CSMD3: variants seen among roughly 807,000 people sequenced by gnomAD.
CSMD3 encodes the protein CUB and sushi domain-containing protein 3.
Under a neutral mutation model 435.2 loss-of-function variants are expected in CSMD3, and 177 were observed. The observed-to-expected ratio is 0.41, with a 90% CI of 0.36 to 0.46. CSMD3 has a LOEUF of 0.46. Ranked by LOEUF, CSMD3 falls within the 20% of genes least tolerant of loss-of-function variation. The pLI, the probability that CSMD3 is intolerant of heterozygous loss-of-function variation, is 0.34. For missense variants in CSMD3, 4,265 were observed against 4,504.6 expected, an observed-to-expected ratio of 0.95 and a Z score of 1.52; for synonymous variants, 1,656 against 1,520.5, an observed-to-expected ratio of 1.09 and a Z score of -2.07.
chr8:112,496,714 T>C (rs1821383491), intron 30 of CSMD3, among the ~76,000 whole-genome samples: 1 of 152,182 alleles, frequency 6.6e-6, no homozygotes, highest in Non-Finnish European at 1.5e-5. Context: ...TTTTGCATTT[T>C]CTTACTTATT....
chr8:112,266,873 C>A (rs927250270), intron 59 of CSMD3, among the ~76,000 whole-genome samples: 1 of 152,080 alleles, frequency 6.6e-6, no homozygotes, highest in East Asian at 1.9e-4. Context: ...GCTAAGAAAA[C>A]GAAAACTACA....
intron 27 of CSMD3, among the ~76,000 whole-genome samples, chr8:112,536,229 A>G (rs1826063867): frequency 6.6e-6 from 1 of 150,752 alleles, no homozygotes; most frequent in African/African-American, 2.4e-5. Flanking sequence ...ATCAGAGTGA[A>G]CAGGCAACCT....
At chr8:113,282,764 C>A (rs2093621805) in intron 2 of CSMD3, among the ~76,000 whole-genome samples, 1 of 151,936 alleles carries the variant, frequency 6.6e-6, no homozygotes, top group Non-Finnish European at 1.5e-5. Flanking sequence ...CAAAAAAGAG[C>A]CTGCATAACC....
chr8:113,358,768 A>G (rs2094251187), intron 1 of CSMD3, among the ~76,000 whole-genome samples: 1 of 152,132 alleles, frequency 6.6e-6, no homozygotes, highest in Non-Finnish European at 1.5e-5. Context: ...GCTTCTAAAG[A>G]AGCATCTCTG....
intron 66 of CSMD3, among the ~76,000 whole-genome samples, chr8:112,241,047 A>G (rs1814082090): frequency 6.6e-6 from 1 of 152,052 alleles, no homozygotes; most frequent in Non-Finnish European, 1.5e-5. Context: ...GTGAAAACGA[A>G]CTAATACAAA....
intron 2 of CSMD3, among the ~76,000 whole-genome samples, chr8:113,278,993 A>C (rs1288070762): frequency 1.3e-5 from 2 of 151,558 alleles, no homozygotes; most frequent in Non-Finnish European, 3.0e-5. Context: ...TGGGTTTTGG[A>C]ATATACATTT....
chr8:113,095,750 G>C (rs2090145216), intron 5 of CSMD3, among the ~76,000 whole-genome samples: 1 of 152,092 alleles, frequency 6.6e-6, no homozygotes. Flanking sequence ...ATTATATTAG[G>C]TATTGTACAT....
At chr8:113,263,983 G>C (rs865805924) in intron 3 of CSMD3, among the ~76,000 whole-genome samples, 1 of 151,452 alleles carries the variant, frequency 6.6e-6, no homozygotes, top group Admixed American at 6.6e-5. Flanking sequence ...TGCTATTGCA[G>C]TATTTGATTT....
chr8:113,033,078 C>T (rs2074619191), intron 5 of CSMD3, among the ~76,000 whole-genome samples: 1 of 151,488 alleles, frequency 6.6e-6, no homozygotes, highest in South Asian at 2.1e-4. Context: ...TGTATAGAAA[C>T]ACCTGGATGT....
At chr8:112,795,777 A>G (rs1294239201) in intron 13 of CSMD3, among the ~76,000 whole-genome samples, 2 of 152,164 alleles carry the variant, frequency 1.3e-5, no homozygotes, top group Non-Finnish European at 2.9e-5. Context: ...TAATATGCCA[A>G]TACATGTCTT....
intron 45 of CSMD3, among the ~76,000 whole-genome samples, chr8:112,327,320 A>G (rs571827201): frequency 5.9e-5 from 9 of 152,322 alleles, no homozygotes; most frequent in African/African-American, 1.9e-4. Flanking sequence ...TGTACAGGTT[A>G]GGATCATAGA....
chr8:112,576,681 C>A (rs574972490), intron 23 of CSMD3, among the ~76,000 whole-genome samples: 26 of 151,268 alleles, frequency 1.7e-4, no homozygotes, highest in Admixed American at 1.6e-3. Flanking sequence ...CAGGCACACC[C>A]CACCAAGCCT....
At chr8:113,137,112 G>A (rs909258643) in intron 4 of CSMD3, among the ~76,000 whole-genome samples, 1 of 151,640 alleles carries the variant, frequency 6.6e-6, no homozygotes, top group Non-Finnish European at 1.5e-5. Flanking sequence ...AGATAAAGTT[G>A]CCAAGAATAA....
At chr8:112,920,412 T>C (rs757366192) in intron 10 of CSMD3, among the ~76,000 whole-genome samples, 5 of 151,840 alleles carry the variant, frequency 3.3e-5, no homozygotes, top group African/African-American at 4.8e-5. Flanking sequence ...TATAACATCA[T>C]TTAATTATAT....
chr8:113,288,981 G>T (rs1425495155), intron 2 of CSMD3, among the ~76,000 whole-genome samples: 3 of 151,606 alleles, frequency 2.0e-5, no homozygotes, highest in Admixed American at 2.0e-4. Flanking sequence ...CCCACCCAAG[G>T]TTCATCTAAT....
intron 12 of CSMD3, among the ~76,000 whole-genome samples, chr8:112,808,779 A>G (rs968512505): frequency 4.6e-5 from 7 of 151,534 alleles, no homozygotes; most frequent in Admixed American, 4.6e-4. Context: ...ATAACAGAAA[A>G]TCTAGCCCCT....
chr8:113,112,570 T>C (rs1404087698), intron 4 of CSMD3, among the ~76,000 whole-genome samples: 1 of 150,854 alleles, frequency 6.6e-6, no homozygotes, highest in East Asian at 2.0e-4. Flanking sequence ...TTGTCCTGAG[T>C]TCCTAGAAAG....
chr8:112,261,303 T>G (rs1286674000), intron 61 of CSMD3, among the ~76,000 whole-genome samples: 3 of 152,142 alleles, frequency 2.0e-5, no homozygotes, highest in Admixed American at 6.6e-5. Context: ...AAAATAGGTC[T>G]ATAAAATACA....
chr8:113,345,353 T>C (rs1336514689), intron 1 of CSMD3, among the ~76,000 whole-genome samples: 1 of 152,170 alleles, frequency 6.6e-6, no homozygotes, highest in Non-Finnish European at 1.5e-5. Context: ...TGGAACTGCC[T>C]TATTGCTCAA....
Sources: gnomAD v4.1 joint callset for allele counts (sites outside exome capture counted in the v4.1 genomes callset) on GRCh38, gnomAD v4.1.1 for gene constraint, MANE v1.5 for transcripts, NCBI Gene and HGNC (gene_info 2026-07-23, HGNC 2026-07-21) for gene names.